The following NRXN3 variants were observed in gnomAD, a reference collection of about 807,000 sequenced individuals.
NRXN3 encodes the protein neurexin 3, also known as neurexin III.
A neutral mutation model predicts 137.6 loss-of-function variants in NRXN3; 32 were observed. The observed-to-expected ratio is 0.23, with a 90% CI of 0.18 to 0.31. NRXN3 has a LOEUF of 0.31. NRXN3 is among the 10% of genes least tolerant of loss of function. The probability of loss-of-function intolerance (pLI) is 1.00; values close to 1 mark genes in which losing one functional copy is unlikely to be tolerated. For synonymous variants in NRXN3, 798 were observed against 784.5 expected (o/e 1.02, Z -0.29); for missense variants, 1,574 against 2,062.5 (o/e 0.76, Z 4.59).
chr14:79,537,906 C>G (rs1171793871), intron 16 of NRXN3, among the ~76,000 whole-genome samples: 1 of 152,170 alleles, frequency 6.6e-6, no homozygotes, highest in African/African-American at 2.4e-5. Flanking sequence ...ACAGTCCCAC[C>G]AACAGTGTCA....
chr14:79,672,170 T>C (rs184889187), intron 17 of NRXN3, among the ~76,000 whole-genome samples: 1 of 152,110 alleles, frequency 6.6e-6, no homozygotes, highest in Non-Finnish European at 1.5e-5. Context: ...CTTTATAGGA[T>C]GCACATTTAC....
At chr14:79,809,346 C>A (rs571814205) in intron 20 of NRXN3, among the ~76,000 whole-genome samples, 1 of 152,166 alleles carries the variant, frequency 6.6e-6, no homozygotes, top group Non-Finnish European at 1.5e-5. Context: ...GCCATGTTGG[C>A]CAGGCTGGTC....
intron 15 of NRXN3, among the ~76,000 whole-genome samples, chr14:79,047,068 GT>G (rs2099634112): frequency 6.7e-6 from 1 of 150,318 alleles, no homozygotes; most frequent in Admixed American, 6.7e-5. Flanking sequence ...TGTAATAAGT[GT>G]TCCCAATATA....
At chr14:78,926,699 AT>A (rs1567721384) in intron 10 of NRXN3, among the ~76,000 whole-genome samples, 9 of 91,410 alleles carry the variant, frequency 9.8e-5, no homozygotes, top group Non-Finnish European at 1.4e-4. Flanking sequence ...TATATATAAA[AT>A]ATATATTATA....
intron 8 of NRXN3, among the ~76,000 whole-genome samples, chr14:78,761,845 G>A (rs186474753): frequency 7.2e-5 from 11 of 152,268 alleles, no homozygotes; most frequent in African/African-American, 2.6e-4. Context: ...GACAGCATTT[G>A]ATGTAAGCCC....
chr14:79,360,423 G>A (rs1437318431), intron 15 of NRXN3, among the ~76,000 whole-genome samples: 1 of 152,186 alleles, frequency 6.6e-6, no homozygotes, highest in Non-Finnish European at 1.5e-5. Flanking sequence ...TATTTACAGA[G>A]CATTGCTCTT....
chr14:79,376,202 GTGT>G (rs2094278946), intron 15 of NRXN3, among the ~76,000 whole-genome samples: 1 of 112,456 alleles, frequency 8.9e-6, no homozygotes, highest in Non-Finnish European at 1.7e-5. Context: ...GTGGGTGTGT[GTGT>G]GTGTGTATGT....
At position 78,988,160 on chromosome 14, in the gene NRXN3, C is replaced by T; in HGVS notation, c.3262+19C>T. On this transcript the variant is annotated intron_variant, in intron 15 of 20. Transcript: ENST00000335750. ...AATGATCGTAAGTACAACAACCTTT[C>T]ATACTGGAACTTTGTGAAGATGTTT... 2 of 1,613,446 alleles carry T rather than the reference C, an allele frequency of 1.2e-6. No individual in the cohort carries two copies. The highest frequency in any genetic ancestry group is 1.7e-6 in the Non-Finnish European group (2 of 1,179,550).
At chr14:79,488,300 G>C (rs1019786518) in intron 16 of NRXN3, among the ~76,000 whole-genome samples, 36 of 152,210 alleles carry the variant, frequency 2.4e-4, no homozygotes, top group African/African-American at 8.4e-4. Flanking sequence ...TTGATGAAGA[G>C]TCACTTAACT....
At chr14:79,437,393 G>A (rs2095861815) in intron 15 of NRXN3, among the ~76,000 whole-genome samples, 1 of 149,858 alleles carries the variant, frequency 6.7e-6, no homozygotes, top group South Asian at 2.1e-4. Flanking sequence ...GGATTCACAT[G>A]TTAATCCTGA....
intron 19 of NRXN3, among the ~76,000 whole-genome samples, chr14:79,737,767 A>G (rs548534561): frequency 5.0e-4 from 76 of 150,696 alleles, no homozygotes; most frequent in African/African-American, 1.8e-3. Flanking sequence ...CTATATTGCC[A>G]TGCTGGTCTC....
chr14:78,340,100 G>C (rs2081986644), intron 4 of NRXN3, among the ~76,000 whole-genome samples: 1 of 152,194 alleles, frequency 6.6e-6, no homozygotes, highest in African/African-American at 2.4e-5. Flanking sequence ...CGGGTTTCTG[G>C]GAGAGAATCA....
chr14:78,245,182 C>A (rs935982844), intron 2 of NRXN3, among the ~76,000 whole-genome samples: 4 of 152,078 alleles, frequency 2.6e-5, no homozygotes, highest in Non-Finnish European at 5.9e-5. Flanking sequence ...TGTTGCCATC[C>A]CCTACTGGTC....
chr14:78,863,910 C>A (rs1403785630), intron 10 of NRXN3, among the ~76,000 whole-genome samples: 2 of 152,006 alleles, frequency 1.3e-5, no homozygotes, highest in African/African-American at 4.8e-5. Context: ...AAAGTAGGAT[C>A]TTGGTAAAAT....
chr14:78,288,023 A>G (rs1242310790), intron 3 of NRXN3, among the ~76,000 whole-genome samples: 1 of 151,478 alleles, frequency 6.6e-6, no homozygotes, highest in Non-Finnish European at 1.5e-5. Context: ...TCTGTTGCCC[A>G]GGCTGGAGTG....
At chr14:78,388,360 A>G (rs1409017697) in intron 4 of NRXN3, among the ~76,000 whole-genome samples, 2 of 152,212 alleles carry the variant, frequency 1.3e-5, no homozygotes, top group African/African-American at 4.8e-5. Flanking sequence ...TGAGTGAGAA[A>G]CCAGTTTGTA....
chr14:78,192,761 C>G (rs1448692744), intron 1 of NRXN3, among the ~76,000 whole-genome samples: 1 of 152,150 alleles, frequency 6.6e-6, no homozygotes, highest in Non-Finnish European at 1.5e-5. Flanking sequence ...GGGCAGACTT[C>G]AACGCAAAAA....
intron 4 of NRXN3, among the ~76,000 whole-genome samples, chr14:78,352,862 T>G (rs1450876340): frequency 6.6e-6 from 1 of 152,192 alleles, no homozygotes; most frequent in African/African-American, 2.4e-5. Flanking sequence ...TCAGGCTTCA[T>G]CTTTCTCTAA....
intron 4 of NRXN3, among the ~76,000 whole-genome samples, chr14:78,474,792 A>T (rs1002638084): frequency 6.6e-6 from 1 of 152,256 alleles, no homozygotes; most frequent in Non-Finnish European, 1.5e-5. Context: ...GATTATCATT[A>T]TACTGCATCA....
Sources: gnomAD v4.1 joint callset for allele counts (sites outside exome capture counted in the v4.1 genomes callset) on GRCh38, gnomAD v4.1.1 for gene constraint, MANE v1.5 for transcripts, NCBI Gene and HGNC (gene_info 2026-07-23, HGNC 2026-07-21) for gene names.